The following WTAP variants were observed in gnomAD, a reference collection of about 807,000 sequenced individuals.
WTAP encodes WT1 associated protein, also known as pre-mRNA-splicing regulator WTAP.
Under a neutral mutation model 50.0 loss-of-function variants are expected in WTAP, and 8 were observed. That is an observed-to-expected ratio of 0.16 (90% CI 0.09 to 0.29). The LOEUF is 0.29. WTAP is among the 10% of genes least tolerant of loss of function. WTAP has a pLI of 1.00. For missense variants in WTAP, 295 were observed against 470.7 expected, an observed-to-expected ratio of 0.63 and a Z score of 3.45; for synonymous variants, 194 against 169.0, an observed-to-expected ratio of 1.15 and a Z score of -1.15.
intron 6 of WTAP, 54 bp from the exon 7 acceptor site, chr6:159,753,406 C>T (rs1313327616): frequency 6.2e-7 from 1 of 1,611,680 alleles, no homozygotes; most frequent in South Asian, 1.1e-5. Flanking sequence ...TAATTGTAAG[C>T]AAAGACAGAG....
At chr6:159,733,166 T>A (rs1295347053) in intron 1 of WTAP, among the ~76,000 whole-genome samples, 1 of 117,856 alleles carries the variant, frequency 8.5e-6, no homozygotes, top group African/African-American at 2.6e-5. Flanking sequence ...GAGGAACCAA[T>A]TTAAAGAAAA....
intron 6 of WTAP, among the ~76,000 whole-genome samples, chr6:159,752,924 T>C (rs1779874424): frequency 6.6e-6 from 1 of 152,204 alleles, no homozygotes; most frequent in Admixed American, 6.5e-5. Context: ...TTTTGTAGAG[T>C]TGGAGTCTAT....
At chr6:159,743,624 G>A (rs758650494) in intron 4 of WTAP, 41 bp from the exon 5 acceptor site, 2 of 1,548,412 alleles carry the variant, frequency 1.3e-6, no homozygotes, top group South Asian at 1.3e-5. Context: ...TTTAGAACTT[G>A]ATCTTAAAAT....
At chr6:159,749,395 A>G in intron 6 of WTAP, 2 of 983,906 alleles carry the variant, frequency 2.0e-6, no homozygotes, top group Non-Finnish European at 2.4e-6. Flanking sequence ...TGCACTCTTG[A>G]TATTAAATTA....
chr6:159,749,784 T>A (rs1027144923), intron 6 of WTAP, among the ~76,000 whole-genome samples: 3 of 152,212 alleles, frequency 2.0e-5, no homozygotes, highest in African/African-American at 7.2e-5. Context: ...TCTAGCAAAT[T>A]CATTTAATCA....
At chr6:159,747,022 G>A (rs2114941182) in intron 5 of WTAP, among the ~76,000 whole-genome samples, 1 of 152,256 alleles carries the variant, frequency 6.6e-6, no homozygotes, top group South Asian at 2.1e-4. Context: ...CATTGACTAT[G>A]CAGTTGTACT....
At chr6:159,740,895 G>T (rs998640722) in intron 3 of WTAP, among the ~76,000 whole-genome samples, 11 of 152,004 alleles carry the variant, frequency 7.2e-5, no homozygotes, top group East Asian at 5.8e-4. Flanking sequence ...GTAGAGACGG[G>T]ATTTCACTGT....
rs1779990588 is a variant in WTAP, at chr6:159,755,777, T to C, written c.*166T>C. The C allele has an allele frequency of 1.9e-6, 2 of 1,039,718 alleles. No homozygotes were observed. Among genetic ancestry groups the C allele is most frequent in the Non-Finnish European group, 2.5e-6 (2 of 812,968 alleles). 64.4% of individuals were successfully genotyped at this position (1,039,718 alleles called of 1,614,324 possible). On this transcript the variant is annotated 3_prime_UTR_variant, in exon 8 of 8. Transcript: ENST00000621533. ...TTTTTTTTCTTTTCTTTTTTTTTTT[T>C]TTTTTTTTTTTTTGCTTCAATACTT...
upstream of WTAP, chr6:159,726,760 G>A (rs1269059679): frequency 1.4e-5 from 18 of 1,287,424 alleles, no homozygotes; most frequent in South Asian, 6.2e-5. Context: ...CGTCTCCAGA[G>A]ATGTCAAGGA....
intron 1 of WTAP, among the ~76,000 whole-genome samples, chr6:159,731,908 A>AT (rs1778594728): frequency 6.6e-6 from 1 of 152,118 alleles, no homozygotes; most frequent in African/African-American, 2.4e-5. Context: ...TTATCATCTC[A>AT]TTTTTTGCTA....
intron 1 of WTAP, among the ~76,000 whole-genome samples, chr6:159,735,936 C>T (rs560612985): frequency 1.3e-5 from 2 of 152,184 alleles, no homozygotes; most frequent in Admixed American, 6.5e-5. Flanking sequence ...TTATATTTCT[C>T]TTCACCCTTT....
intron 6 of WTAP, among the ~76,000 whole-genome samples, chr6:159,751,121 A>G (rs191180562): frequency 2.0e-5 from 3 of 152,160 alleles, no homozygotes; most frequent in African/African-American, 7.2e-5. Flanking sequence ...AATTTTAAAA[A>G]ATTATTTCAA....
chr6:159,745,074 A>G (rs1307173740), intron 5 of WTAP: 1 of 152,200 alleles, frequency 6.6e-6, no homozygotes, highest in Non-Finnish European at 1.5e-5. Context: ...TTCTTTCTCC[A>G]TAGTTACTAA....
In WTAP at chr6:159,730,969, G is replaced by GA. The variant is rs1431887467; in HGVS notation, c.-9+3276dup. ...ACATAGTGAAACGCTGTCTCTACTAGAAAAAAAAAAGAAATACAAAAATTA... is the reference window on the plus strand; with the variant it reads ...ACATAGTGAAACGCTGTCTCTACTAGAAAAAAAAAAAGAAATACAAAAATTA... On this transcript the variant is annotated intron_variant, in intron 1 of 7. Transcript: ENST00000621533. 2.4e-4 allele frequency: 35 copies of GA among 147,726 alleles called. No individual in the cohort carries two copies. The East Asian group carries it at 2.8e-3, about 12-fold the overall frequency. The allele number at this position is 147,726 out of a possible 1,614,324, so 9.2% of individuals were successfully genotyped here.
intron 5 of WTAP, among the ~76,000 whole-genome samples, chr6:159,744,391 A>G (rs1359675235): frequency 6.6e-6 from 1 of 152,198 alleles, no homozygotes; most frequent in Non-Finnish European, 1.5e-5. Flanking sequence ...TTCTGATTTT[A>G]AAATCTGAAT....
intron 1 of WTAP, chr6:159,730,763 A>T (rs1215035436): frequency 6.6e-6 from 1 of 152,232 alleles, no homozygotes; most frequent in African/African-American, 2.4e-5. Context: ...CTGAGAGTTG[A>T]CTTAGGAAGT....
chr6:159,749,900 T>C (rs1347998659), intron 6 of WTAP, among the ~76,000 whole-genome samples: 1 of 152,178 alleles, frequency 6.6e-6, no homozygotes, highest in African/African-American at 2.4e-5. Flanking sequence ...TTTCGCTTGG[T>C]GATAATGGAG....
chr6:159,755,141 C>G lies in WTAP; in HGVS notation c.721C>G (p.Gln241Glu), dbSNP rs1326552622. 1 of 1,614,168 alleles carries G rather than the reference C, an allele frequency of 6.2e-7. No individual in the cohort carries two copies. Among genetic ancestry groups the G allele is most frequent in the Non-Finnish European group, 8.5e-7 (1 of 1,180,016 alleles). ...ETRQQLAQYQQQQSQASAPST... is the reference protein window; with the variant it reads ...ETRQQLAQYQEQQSQASAPST... ...ACGCCAGCAGTTGGCTCAGTACCAGCAGCAGCAGTCTCAGGCCTCTGCCCC... is the reference window on the plus strand; with the variant it reads ...ACGCCAGCAGTTGGCTCAGTACCAGGAGCAGCAGTCTCAGGCCTCTGCCCC... The change falls in exon 8 of 8, where the codon CAG (glutamine) becomes GAG (glutamate). Residue 241 changes from glutamine (Q) to glutamate (E), a missense_variant. Coordinates refer to ENST00000621533, the MANE Select transcript of WTAP (RefSeq NM_001270531.2).
intron 5 of WTAP, among the ~76,000 whole-genome samples, chr6:159,744,130 T>G (rs189316712): frequency 4.6e-5 from 7 of 152,368 alleles, no homozygotes; most frequent in African/African-American, 1.4e-4. Context: ...TTTCACTGAT[T>G]AGGAAAGCCA....
Sources: allele counts gnomAD v4.1 joint callset (sites outside exome capture counted in the v4.1 genomes callset), GRCh38; gene constraint gnomAD v4.1.1; transcripts MANE v1.5; gene names NCBI Gene and HGNC (gene_info 2026-07-23, HGNC 2026-07-21).